DCC: variants seen among roughly 807,000 people sequenced by gnomAD.
DCC encodes DCC netrin 1 receptor, also known as netrin receptor DCC.
A neutral mutation model predicts 172.5 loss-of-function variants in DCC; 58 were observed. The observed-to-expected ratio is 0.34, with a 90% CI of 0.27 to 0.42. The LOEUF is 0.42. DCC is among the 10% of genes least tolerant of loss of function. The probability of loss-of-function intolerance (pLI) is 1.00; values close to 1 mark genes in which losing one functional copy is unlikely to be tolerated. For synonymous variants in DCC, 709 were observed against 644.5 expected (o/e 1.10, Z -1.52); for missense variants, 1,740 against 1,791.0 (o/e 0.97, Z 0.51).
At chr18:53,258,128 G>A (rs934741573) in intron 12 of DCC, among the ~76,000 whole-genome samples, 1 of 152,108 alleles carries the variant, frequency 6.6e-6, no homozygotes. Context: ...CTTGTTAGCG[G>A]TCTGTCAATT....
intron 21 of DCC, among the ~76,000 whole-genome samples, chr18:53,427,028 C>T (rs1293334449): frequency 6.6e-6 from 1 of 152,130 alleles, no homozygotes. Flanking sequence ...TATCTCACAC[C>T]TGCCTTTAGG....
At chr18:53,166,662 A>G (rs886671807) in intron 8 of DCC, among the ~76,000 whole-genome samples, 3 of 152,348 alleles carry the variant, frequency 2.0e-5, no homozygotes, top group African/African-American at 7.2e-5. Flanking sequence ...CAGAGATTAC[A>G]GGAAAGCACA....
At chr18:53,346,905 A>T (rs906450616) in intron 15 of DCC, among the ~76,000 whole-genome samples, 1 of 152,098 alleles carries the variant, frequency 6.6e-6, no homozygotes, top group African/African-American at 2.4e-5. Flanking sequence ...ATCCTTGAAA[A>T]TTTTTTGATA....
At position 53,335,085 on chromosome 18, in the gene DCC, T is replaced by A. The variant is rs148947165; in HGVS notation, c.2165-4628T>A. Among the ~76,000 whole-genome samples the A allele has an allele frequency of 4.6e-5, 7 of 152,322 alleles. No individual in the cohort carries two copies. In the East Asian group the frequency reaches 1.4e-3, roughly 29 times the overall value. ...CTCTCTTTTTATCTTTTTCATTCTC[T>A]CTCTTACCCTTGATGTTCCAGATGT... On this transcript the variant is annotated intron_variant, in intron 14 of 28. Coordinates refer to ENST00000442544, the MANE Select transcript of DCC (RefSeq NM_005215.4).
chr18:52,510,778 G>A (rs560514308), intron 1 of DCC, among the ~76,000 whole-genome samples: 13 of 152,228 alleles, frequency 8.5e-5, no homozygotes, highest in South Asian at 8.3e-4. Flanking sequence ...ACTTCTGAGC[G>A]TGAAAGGGTC....
At chr18:52,570,519 T>A (rs1276057297) in intron 1 of DCC, among the ~76,000 whole-genome samples, 1 of 152,210 alleles carries the variant, frequency 6.6e-6, no homozygotes, top group East Asian at 1.9e-4. Context: ...TTCCTTTTAG[T>A]AAAATGGTTT....
chr18:53,100,858 A>C (rs931730442), intron 7 of DCC, among the ~76,000 whole-genome samples: 1 of 152,144 alleles, frequency 6.6e-6, no homozygotes, highest in Non-Finnish European at 1.5e-5. Flanking sequence ...AGCCTGTTTT[A>C]AGATAGAGAG....
At position 53,448,136 on chromosome 18, in the gene DCC, GTTA is replaced by G. The variant is rs745713570; in HGVS notation, c.3230-2359_3230-2357del. 3.3e-5 allele frequency among the ~76,000 whole-genome samples: 5 copies of G among 150,788 alleles called. No individual in the cohort carries two copies. In the East Asian group the frequency reaches 5.8e-4, roughly 18 times the overall value. On this transcript the variant is annotated intron_variant, in intron 22 of 28. Coordinates refer to ENST00000442544, the MANE Select transcript of DCC (RefSeq NM_005215.4). ...ATTTCAGTTTTGAGGCAAGTACTGG[GTTA>G]TTATATTAAATTGTGAGAATAGGTT... is the stretch of plus-strand genomic sequence containing the variant.
intron 1 of DCC, among the ~76,000 whole-genome samples, chr18:52,731,062 A>AG (rs2036632245): frequency 2.0e-5 from 3 of 152,216 alleles, no homozygotes; most frequent in African/African-American, 7.2e-5. Flanking sequence ...GATATTGGCT[A>AG]TAAATCACAG....
intron 2 of DCC, among the ~76,000 whole-genome samples, chr18:52,793,166 G>A (rs1054499093): frequency 2.0e-5 from 3 of 152,194 alleles, no homozygotes; most frequent in Non-Finnish European, 2.9e-5. Context: ...CATAGCCCAT[G>A]GGGAAGGATT....
intron 25 of DCC, 49 bp downstream of exon 25, chr18:53,468,059 G>A (rs768457097): frequency 5.5e-6 from 5 of 903,938 alleles, no homozygotes; most frequent in African/African-American, 1.6e-5. Flanking sequence ...CTTTCTGTAT[G>A]TATCTTTTCT....
chr18:52,510,884 A>G (rs1371940386), intron 1 of DCC, among the ~76,000 whole-genome samples: 1 of 152,146 alleles, frequency 6.6e-6, no homozygotes, highest in East Asian at 1.9e-4. Context: ...TCCCTGAGAG[A>G]GTTATCATTA....
intron 5 of DCC, among the ~76,000 whole-genome samples, chr18:53,014,639 T>C (rs1042025313): frequency 6.6e-6 from 1 of 152,014 alleles, no homozygotes; most frequent in Non-Finnish European, 1.5e-5. Flanking sequence ...TTTTCTACTT[T>C]AAAATGAAGT....
chr18:53,391,151 A>T (rs990700650), intron 16 of DCC, among the ~76,000 whole-genome samples: 9 of 133,670 alleles, frequency 6.7e-5, no homozygotes, highest in African/African-American at 2.0e-4. Flanking sequence ...TGCAGATATA[A>T]GCTAAGCAAC....
At chr18:52,548,739 G>C (rs996466374) in intron 1 of DCC, among the ~76,000 whole-genome samples, 1 of 152,036 alleles carries the variant, frequency 6.6e-6, no homozygotes, top group Non-Finnish European at 1.5e-5. Flanking sequence ...CAGCAAAAAT[G>C]TTTACATTCA....
intron 2 of DCC, among the ~76,000 whole-genome samples, chr18:52,776,401 AAAAG>A (rs1235102580): frequency 1.9e-4 from 29 of 152,288 alleles, no homozygotes; most frequent in Admixed American, 3.3e-4. Flanking sequence ...TTTTAAAAGA[AAAAG>A]AAGGGTTCAA....
chr18:52,944,812 C>G (rs1283654109), intron 5 of DCC, among the ~76,000 whole-genome samples: 1 of 152,186 alleles, frequency 6.6e-6, no homozygotes. Flanking sequence ...GTGTGTGGAT[C>G]AACAACTTCA....
chr18:52,477,266 A>G (rs545353837), intron 1 of DCC, among the ~76,000 whole-genome samples: 1 of 152,296 alleles, frequency 6.6e-6, no homozygotes, highest in South Asian at 2.1e-4. Context: ...GGATTCTGAT[A>G]TGGTTGAGTG....
chr18:53,513,094 C>T (rs141293548), intron 27 of DCC, among the ~76,000 whole-genome samples: 5 of 152,166 alleles, frequency 3.3e-5, no homozygotes, highest in East Asian at 1.9e-4. Flanking sequence ...GGAAGCCCAT[C>T]GGACTAACAG....
Sources: gnomAD v4.1 joint callset for allele counts (sites outside exome capture counted in the v4.1 genomes callset) on GRCh38, gnomAD v4.1.1 for gene constraint, MANE v1.5 for transcripts, NCBI Gene and HGNC (gene_info 2026-07-23, HGNC 2026-07-21) for gene names.